ZNF18: variants seen among roughly 807,000 people sequenced by gnomAD.
ZNF18 encodes heart development-specific gene 1 protein.
A neutral mutation model predicts 58.1 loss-of-function variants in ZNF18; 42 were observed. The observed-to-expected ratio is 0.72, with a 90% CI of 0.56 to 0.93. ZNF18 has a LOEUF of 0.93. Ranked by LOEUF, ZNF18 falls within the 40% of genes least tolerant of loss-of-function variation. The probability of loss-of-function intolerance (pLI) is 0.00; values close to 1 mark genes in which losing one functional copy is unlikely to be tolerated. For synonymous variants in ZNF18, 231 were observed against 239.8 expected, an observed-to-expected ratio of 0.96 and a Z score of 0.34; for missense variants, 540 against 644.2, an observed-to-expected ratio of 0.84 and a Z score of 1.75.
Position 11,978,027 on chromosome 17 carries a change from T to C in ZNF18, c.1580A>G (p.Lys527Arg). 6.2e-7 allele frequency: 1 copy of C among 1,608,774 alleles called. No homozygotes were observed. The highest frequency in any genetic ancestry group is 8.5e-7 in the Non-Finnish European group (1 of 1,177,456). The stretch of plus-strand genomic sequence containing the variant: ...AAGGCTCGAGCTCCAGCTGAAACTT[T>C]TCCCACAGTGCGAACATTTATAAGG... ...EKPYKCSHCG[K>R]SFSWSSSLDK... Residue 527 changes from lysine (K) to arginine (R), a missense_variant, in exon 7 of 7, where the codon AAA (lysine) becomes AGA (arginine). Physicochemically the swap from Lys to Arg is conservative, Grantham distance 26 (BLOSUM62 2). Transcript: ENST00000580306.
Position 11,992,874 on chromosome 17 carries a change from G to C in ZNF18, c.-45C>G. 1 of 1,574,476 alleles carries C rather than the reference G, an allele frequency of 6.4e-7. No individual in the cohort carries two copies. Among genetic ancestry groups the C allele is most frequent in the Non-Finnish European group, 8.6e-7 (1 of 1,163,850 alleles). On this transcript the variant is annotated 5_prime_UTR_variant, in exon 2 of 7. Coordinates refer to ENST00000580306, the MANE Select transcript of ZNF18 (RefSeq NM_001303281.2). Reference sequence around the variant, plus strand: ...TTTTAAGTAAAGTGCTTCTGCAGTGGAATTGTCTCCGGCAAGAACTAGGTC... The same window carrying C: ...TTTTAAGTAAAGTGCTTCTGCAGTGCAATTGTCTCCGGCAAGAACTAGGTC...
At chr17:12,010,033 A>T in the ZNF18 span, among the ~76,000 whole-genome samples, 1 of 152,204 alleles carries the variant, frequency 6.6e-6, no homozygotes. Context: ...ATAACAGACC[A>T]AAACAGGGGT....
intron 2 of ZNF18, 128 bp from the exon 3 acceptor site, chr17:11,991,291 C>A: frequency 1.1e-6 from 1 of 895,046 alleles, no homozygotes; most frequent in Non-Finnish European, 1.6e-6. Context: ...AGAAAACCAG[C>A]TTTTATTTCT....
chr17:12,018,191 T>C, the ZNF18 span, among the ~76,000 whole-genome samples: 1 of 152,246 alleles, frequency 6.6e-6, no homozygotes. Flanking sequence ...TTCATATGTA[T>C]TGCTTAATTG....
Position 11,977,821 on chromosome 17 carries a change from G to C in ZNF18, c.*136C>G, listed in dbSNP as rs1967084261. The C allele has an allele frequency of 3.7e-6, 4 of 1,073,374 alleles. No homozygotes were observed. Among genetic ancestry groups the C allele is most frequent in the Non-Finnish European group, 5.3e-6 (4 of 749,882 alleles). The allele number at this position is 1,073,374 out of a possible 1,614,324, so 66.5% of individuals were successfully genotyped here. ...TCCTCCAAGTCCAAAGCCATGTCCA[G>C]ATTCTCTCCTCTCCAATCCAAGAAA... is the stretch of plus-strand genomic sequence containing the variant. On this transcript the variant is annotated 3_prime_UTR_variant, in exon 7 of 7. Coordinates refer to ENST00000580306, the MANE Select transcript of ZNF18 (RefSeq NM_001303281.2).
chr17:12,011,448 C>T, the ZNF18 span, among the ~76,000 whole-genome samples: 1 of 151,888 alleles, frequency 6.6e-6, no homozygotes, highest in Non-Finnish European at 1.5e-5. Context: ...TGCAGTGGTG[C>T]GATCTCAGCT....
intron 4 of ZNF18, among the ~76,000 whole-genome samples, chr17:11,987,561 AT>A (rs1321046848): frequency 6.6e-6 from 1 of 152,234 alleles, no homozygotes; most frequent in East Asian, 1.9e-4. Context: ...AGGTAGGGAA[AT>A]ACAGACACAC....
the ZNF18 span, among the ~76,000 whole-genome samples, chr17:12,012,646 T>A: frequency 2.6e-5 from 4 of 152,220 alleles, no homozygotes; most frequent in East Asian, 7.7e-4. Context: ...ATCTGCTAGA[T>A]AACTGAGAAA....
chr17:11,983,339 A>T lies in ZNF18; in HGVS notation c.820T>A (p.Tyr274Asn). 6.2e-7 allele frequency: 1 copy of T among 1,614,110 alleles called. No homozygotes were observed. Among genetic ancestry groups the T allele is most frequent in the Non-Finnish European group, 8.5e-7 (1 of 1,179,956 alleles). The change falls in exon 6 of 7, where the codon TAC (tyrosine) becomes AAC (asparagine). Residue 274 changes from tyrosine (Y) to asparagine (N), a missense_variant. Physicochemically the swap from Tyr to Asn is moderately radical, Grantham distance 143. Coordinates refer to ENST00000580306, the MANE Select transcript of ZNF18 (RefSeq NM_001303281.2). ...IEFGEELAGI[Y>N]LHVNEKIPRP... ...GGGATCTTCTCATTGACATGAAGGT[A>T]TATTCCTGCCAGCTCTTCCCCAAAT...
the ZNF18 span, among the ~76,000 whole-genome samples, chr17:12,008,832 A>G: frequency 6.6e-6 from 1 of 152,244 alleles, no homozygotes; most frequent in Non-Finnish European, 1.5e-5. Flanking sequence ...CAAGATCCTT[A>G]TTATTCAGGG....
chr17:11,997,475 T>A lies in ZNF18; in HGVS notation c.-127A>T, dbSNP rs1015514190. ...TCCGGGCGCACTTCCGGGAGCTGGG[T>A]GGCTGCGCGCGCCTCAGGCGGCAGG... is the stretch of plus-strand genomic sequence containing the variant. On this transcript the variant is annotated 5_prime_UTR_variant, in exon 1 of 7. Coordinates refer to ENST00000580306, the MANE Select transcript of ZNF18 (RefSeq NM_001303281.2). The A allele has an allele frequency of 7.9e-5, 12 of 152,176 alleles. No individual in the cohort carries two copies. Among genetic ancestry groups the A allele is most frequent in the African/African-American group, 2.9e-4 (12 of 41,434 alleles). The allele number at this position is 152,176 out of a possible 1,614,324, so 9.4% of individuals were successfully genotyped here. A position where few individuals can be genotyped will look rare whatever the true frequency, so the allele number is the denominator to read the frequency against.
the ZNF18 span, among the ~76,000 whole-genome samples, chr17:12,005,518 T>C: frequency 6.6e-6 from 1 of 152,210 alleles, no homozygotes; most frequent in Non-Finnish European, 1.5e-5. Context: ...CCAGATGGCA[T>C]TGAAAAACAA....
chr17:12,016,071 G>A, the ZNF18 span, among the ~76,000 whole-genome samples: 2 of 152,030 alleles, frequency 1.3e-5, no homozygotes, highest in East Asian at 2.0e-4. Context: ...GATTATAGGC[G>A]TGAACCACCA....
rs933067074 is a variant in ZNF18 at position 11,978,240 on chromosome 17, C to T, written c.1367G>A (p.Arg456Lys). Reference protein sequence around the residue: ...LRSSDFVKHQRTHTGEKPCKC... With the variant: ...LRSSDFVKHQKTHTGEKPCKC... Reference sequence around the variant, plus strand: ...ACAGGGCTTCTCTCCCGTGTGAGTTCTCTGATGCTTCACAAAGTCTGAACT... The same window carrying T: ...ACAGGGCTTCTCTCCCGTGTGAGTTTTCTGATGCTTCACAAAGTCTGAACT... Residue 456 changes from arginine to lysine, a missense_variant, in exon 7 of 7, where the codon AGA (arginine) becomes AAA (lysine). Coordinates refer to ENST00000580306, the MANE Select transcript of ZNF18 (RefSeq NM_001303281.2). The T allele has an allele frequency of 1.9e-6, 3 of 1,613,404 alleles. No individual in the cohort carries two copies. The highest frequency in any genetic ancestry group is 4.5e-5 in the East Asian group (2 of 44,874).
At chr17:11,985,836 A>C (rs1967702341) in intron 4 of ZNF18, among the ~76,000 whole-genome samples, 1 of 152,200 alleles carries the variant, frequency 6.6e-6, no homozygotes, top group African/African-American at 2.4e-5. Flanking sequence ...GAGAGAATTA[A>C]GGGATTCTGC....
upstream of ZNF18, among the ~76,000 whole-genome samples, chr17:11,998,592 C>T (rs556028443): frequency 8.1e-3 from 1,223 of 151,118 alleles, 17 homozygotes; most frequent in African/African-American, 0.028. Context: ...ATAACATGTC[C>T]TGTACCTGTC....
Position 11,983,380 on chromosome 17 carries a change from AG to A in ZNF18, c.778del (p.Leu260Ter). On this transcript the variant is annotated frameshift_variant, in exon 6 of 7. Transcript: ENST00000580306. LOFTEE classifies it high-confidence loss of function. ...GAGISHPKSD[L>X]TNSIEFGEEL... ...TTCCCCAAATTCTATTGAATTAGTC[AG>A]GTCAGATTTGGGATGGGAAATGCCT... 6.2e-7 allele frequency: 1 copy of A among 1,614,026 alleles called. No individual in the cohort carries two copies. The highest frequency in any genetic ancestry group is 1.1e-5 in the South Asian group (1 of 91,080).
intron 6 of ZNF18, 55 bp from the exon 7 acceptor site, chr17:11,978,799 C>A: frequency 1.4e-6 from 1 of 729,894 alleles, no homozygotes; most frequent in Non-Finnish European, 2.0e-6. Flanking sequence ...TGTTTTCTAA[C>A]TCATATGTCA....
At chr17:11,993,043 G>C (rs531335619) in intron 1 of ZNF18, 132 bp from the exon 2 acceptor site, 1 of 549,858 alleles carries the variant, frequency 1.8e-6, no homozygotes, top group African/African-American at 1.9e-5. Flanking sequence ...ATGGATACAC[G>C]ATTCTATTTT....
Sources: gnomAD v4.1 joint callset for allele counts (sites outside exome capture counted in the v4.1 genomes callset) on GRCh38, gnomAD v4.1.1 for gene constraint, MANE v1.5 for transcripts, NCBI Gene and HGNC (gene_info 2026-07-23, HGNC 2026-07-21) for gene names.